The following CEP135 variants were observed in gnomAD, a reference collection of about 807,000 sequenced individuals.
CEP135 encodes the protein centrosomal protein of 135 kDa.
In CEP135, 142 loss-of-function variants were observed where a neutral mutation model predicts 157.3. The ratio of observed to expected loss-of-function variants is 0.90; its 90% CI spans 0.79 to 1.04. CEP135 has a LOEUF of 1.04. Ranked by LOEUF, CEP135 falls within the 50% of genes least tolerant of loss-of-function variation. CEP135 has a pLI of 0.00. For missense variants in CEP135, 1,317 were observed against 1,309.2 expected, an observed-to-expected ratio of 1.01 and a Z score of -0.09; for synonymous variants, 396 against 439.8, an observed-to-expected ratio of 0.90 and a Z score of 1.25.
At chr4:56,016,215 C>T (rs921441013) in intron 21 of CEP135, among the ~76,000 whole-genome samples, 6 of 152,132 alleles carry the variant, frequency 3.9e-5, no homozygotes, top group Admixed American at 1.3e-4. Flanking sequence ...ACAGATTCTC[C>T]CATAGAAGCT....
At chr4:55,993,655 G>A (rs774076998) in intron 15 of CEP135, among the ~76,000 whole-genome samples, 2 of 152,098 alleles carry the variant, frequency 1.3e-5, no homozygotes, top group African/African-American at 2.4e-5. Flanking sequence ...TGTCACTTTC[G>A]TGTCCAGCTG....
rs1432497675 is a variant in CEP135 at position 55,985,224 on chromosome 4, G to A, written c.1780-57G>A. On this transcript the variant is annotated intron_variant, in intron 13 of 25. Transcript: ENST00000257287. ...CTGTAGACTTACATTGCTTACTGTG[G>A]TGATTTTGTTTTGTTATCTGATACA... 3.4e-6 allele frequency: 3 copies of A among 883,376 alleles called. No homozygotes were observed. The African/African-American group carries it at 5.0e-5, about 15-fold the overall frequency. 54.7% of individuals were successfully genotyped at this position (883,376 alleles called of 1,614,324 possible). A position where few individuals can be genotyped will look rare whatever the true frequency, so the allele number is the denominator to read the frequency against.
At chr4:56,008,091 G>A (rs1730421023) in intron 17 of CEP135, among the ~76,000 whole-genome samples, 1 of 152,098 alleles carries the variant, frequency 6.6e-6, no homozygotes. Flanking sequence ...TTTCTAGAAT[G>A]TGATTTTATC....
chr4:56,012,471 GATAC>G (rs1259080206), intron 21 of CEP135, among the ~76,000 whole-genome samples: 1 of 152,186 alleles, frequency 6.6e-6, no homozygotes, highest in African/African-American at 2.4e-5. Flanking sequence ...TGTAGTAAAA[GATAC>G]ATACATCAAA....
At chr4:55,971,199 A>G (rs1729014512) in intron 9 of CEP135, 71 bp from the exon 10 acceptor site, 1 of 1,223,622 alleles carries the variant, frequency 8.2e-7, no homozygotes, top group Non-Finnish European at 1.1e-6. Flanking sequence ...GTGCTTATAA[A>G]AATCTATCTT....
chr4:55,979,725 G>A (rs865977342), intron 11 of CEP135, among the ~76,000 whole-genome samples: 1 of 152,132 alleles, frequency 6.6e-6, no homozygotes, highest in African/African-American at 2.4e-5. Context: ...CAGTTACTTG[G>A]CCCTACCCGG....
chr4:55,978,438 G>C (rs1399020237), intron 11 of CEP135, among the ~76,000 whole-genome samples: 1 of 152,180 alleles, frequency 6.6e-6, no homozygotes, highest in Non-Finnish European at 1.5e-5. Flanking sequence ...AGAATTCCTT[G>C]GAGAAAGTGA....
At chr4:55,981,426 A>T (rs1231290841) in intron 13 of CEP135, 47 bp downstream of exon 13, 1 of 1,518,780 alleles carries the variant, frequency 6.6e-7, no homozygotes, top group East Asian at 2.4e-5. Context: ...TGAGAAAAAG[A>T]GGTCTTTGTA....
At chr4:55,999,676 A>T (rs912035498) in intron 17 of CEP135, 31 bp downstream of exon 17, 1 of 1,571,742 alleles carries the variant, frequency 6.4e-7, no homozygotes, top group Non-Finnish European at 8.6e-7. Context: ...ATTTTCCAGC[A>T]TCCAAACAGA....
At chr4:55,950,558 G>C (rs1728332914) in intron 1 of CEP135, among the ~76,000 whole-genome samples, 1 of 151,936 alleles carries the variant, frequency 6.6e-6, no homozygotes, top group Admixed American at 6.6e-5. Context: ...GTAGAGGTGG[G>C]AGAATACCTT....
chr4:56,004,616 T>C (rs1171927721), intron 17 of CEP135, among the ~76,000 whole-genome samples: 3 of 152,210 alleles, frequency 2.0e-5, no homozygotes, highest in South Asian at 2.1e-4. Flanking sequence ...TGTATAATTA[T>C]TATACTCTCT....
At chr4:55,985,240 A>T (rs776086082) in intron 13 of CEP135, 41 bp from the exon 14 acceptor site, 1 of 1,143,566 alleles carries the variant, frequency 8.7e-7, no homozygotes, top group East Asian at 2.4e-5. Flanking sequence ...TTGTTTTGTT[A>T]TCTGATACAA....
chr4:55,985,547 C>T (rs936576180), intron 14 of CEP135, among the ~76,000 whole-genome samples, 189 bp downstream of exon 14: 2 of 152,088 alleles, frequency 1.3e-5, no homozygotes, highest in African/African-American at 2.4e-5. Context: ...CCTCCAACTC[C>T]AGCTTCAAGC....
chr4:55,983,941 A>T (rs1221620511), intron 13 of CEP135, among the ~76,000 whole-genome samples: 2 of 152,140 alleles, frequency 1.3e-5, no homozygotes, highest in African/African-American at 4.8e-5. Context: ...CTGAGCTCAC[A>T]TTACTTTGTC....
intron 8 of CEP135, among the ~76,000 whole-genome samples, chr4:55,967,472 C>T (rs563064229): frequency 5.3e-5 from 8 of 152,164 alleles, no homozygotes; most frequent in African/African-American, 1.9e-4. Flanking sequence ...ACATGCCCTT[C>T]TTTGAACATT....
intron 17 of CEP135, among the ~76,000 whole-genome samples, chr4:56,002,448 T>A (rs185432658): frequency 3.0e-4 from 45 of 152,266 alleles, no homozygotes; most frequent in African/African-American, 8.7e-4. Flanking sequence ...AAACGGGATG[T>A]TGCAACTTAT....
chr4:55,974,630 A>C (rs1315300634), intron 10 of CEP135, 116 bp from the exon 11 acceptor site: 11 of 729,118 alleles, frequency 1.5e-5, no homozygotes, highest in Non-Finnish European at 2.4e-5. Flanking sequence ...GGTGTTATGT[A>C]GAACAGTTCA....
chr4:55,974,093 C>T (rs1012384292), intron 10 of CEP135, among the ~76,000 whole-genome samples: 1 of 152,208 alleles, frequency 6.6e-6, no homozygotes, highest in Non-Finnish European at 1.5e-5. Context: ...GCTTTTTATA[C>T]TGTATCCTTA....
At chr4:55,989,000 T>C (rs1577889513) in intron 14 of CEP135, among the ~76,000 whole-genome samples, 1 of 149,034 alleles carries the variant, frequency 6.7e-6, no homozygotes, top group Non-Finnish European at 1.5e-5. Context: ...ACAACAGGGA[T>C]TGGGAGAGAC....
Sources: allele counts gnomAD v4.1 joint callset (sites outside exome capture counted in the v4.1 genomes callset), GRCh38; gene constraint gnomAD v4.1.1; transcripts MANE v1.5; gene names NCBI Gene and HGNC (gene_info 2026-07-23, HGNC 2026-07-21).